The following DZIP1L variants were observed in gnomAD, a reference collection of about 807,000 sequenced individuals.
DZIP1L encodes DAZ interacting zinc finger protein 1 like.
A neutral mutation model predicts 88.7 loss-of-function variants in DZIP1L; 90 were observed. That is an observed-to-expected ratio of 1.02 (90% CI 0.86 to 1.21). The LOEUF (loss-of-function observed/expected upper bound fraction) is 1.21, where lower values mean the gene tolerates loss of function less well. Among genes scored for constraint, DZIP1L ranks in the 50% most tolerant of loss-of-function variants. The pLI is 0.00. For synonymous variants in DZIP1L, 363 were observed against 372.1 expected, an observed-to-expected ratio of 0.98 and a Z score of 0.28; for missense variants, 932 against 955.8, an observed-to-expected ratio of 0.98 and a Z score of 0.33.
intron 12 of DZIP1L, 27 bp downstream of exon 12, chr3:138,071,616 C>A (rs1373734434): frequency 1.2e-6 from 2 of 1,600,396 alleles, no homozygotes; most frequent in Non-Finnish European, 1.7e-6. Context: ...AGGTCACAGC[C>A]CTGAGCAAGC....
At chr3:138,107,684 T>A (rs1041266154) in intron 1 of DZIP1L, among the ~76,000 whole-genome samples, 6 of 152,172 alleles carry the variant, frequency 3.9e-5, no homozygotes, top group Non-Finnish European at 8.8e-5. Flanking sequence ...TCATCCTTTA[T>A]CCCTTAAACC....
chr3:138,102,705 G>A (rs1174765245), intron 2 of DZIP1L: 14 of 880,536 alleles, frequency 1.6e-5, no homozygotes, highest in Non-Finnish European at 2.1e-5. Context: ...GGCTCAGCAG[G>A]CTCTGGTTGA....
chr3:138,072,106 A>G lies in DZIP1L; in HGVS notation c.1423-271T>C, dbSNP rs1455698190. On this transcript the variant is annotated intron_variant, in intron 11 of 15. Transcript: ENST00000327532. ...ACTGCGTCACAATTCTGACCACATC[A>G]TAGCATAAGGGACTTCGTTGGAACA... 2.0e-5 allele frequency among the ~76,000 whole-genome samples: 3 copies of G among 152,238 alleles called. No homozygotes were observed. In the East Asian group the frequency reaches 5.8e-4, roughly 29 times the overall value.
Position 138,062,842 on chromosome 3 carries a change from C to T in DZIP1L, c.2278G>A (p.Gly760Ser), listed in dbSNP as rs1942752340. The change falls in exon 16 of 16, where the codon GGC becomes AGC. Residue 760 changes from glycine to serine, a missense_variant. By Grantham distance (56) the Gly-to-Ser change is moderately conservative (BLOSUM62 0). Transcript: ENST00000327532. ...CACCAGGCAGGGACCCTGGGTTGGC[C>T]AGAGCTCTGTGGACCAGTGCCAAAC... ...EKFGTGPQSS[G>S]QPRVPAW The T allele has an allele frequency of 1.2e-6, 2 of 1,613,940 alleles. No individual in the cohort carries two copies. Among genetic ancestry groups the T allele is most frequent in the Non-Finnish European group, 1.7e-6 (2 of 1,180,040 alleles).
intron 1 of DZIP1L, among the ~76,000 whole-genome samples, chr3:138,105,432 T>C (rs920950953): frequency 2.6e-5 from 4 of 152,014 alleles, no homozygotes; most frequent in Admixed American, 2.0e-4. Context: ...AGGACCCTCC[T>C]CAGATACCAA....
chr3:138,067,534 A>C lies in DZIP1L; in HGVS notation c.1999T>G (p.Ser667Ala), dbSNP rs1425368656. The C allele has an allele frequency of 6.3e-7, 1 of 1,598,708 alleles. No homozygotes were observed. The highest frequency in any genetic ancestry group is 8.5e-7 in the Non-Finnish European group (1 of 1,173,820). The change falls in exon 14 of 16, where the codon TCA becomes GCA. Residue 667 changes from serine (S) to alanine (A), a missense_variant. Coordinates refer to ENST00000327532, the MANE Select transcript of DZIP1L (RefSeq NM_173543.3). ...TCACCCAAAGGTGCCAGCTCACCTG[A>C]GCCCTGGCCAGGGGGCTGGGCATTC... is the stretch of plus-strand genomic sequence containing the variant. Reference protein sequence around the residue: ...EENAQPPGQGSGTLVQSMVKN... With the variant: ...EENAQPPGQGAGTLVQSMVKN...
chr3:138,107,933 T>TA (rs2042542413), intron 1 of DZIP1L, among the ~76,000 whole-genome samples: 1 of 152,058 alleles, frequency 6.6e-6, no homozygotes, highest in Non-Finnish European at 1.5e-5. Flanking sequence ...CTTTCTCAGA[T>TA]ACTCTTTCCC....
intron 14 of DZIP1L, 23 bp from the exon 15 acceptor site, chr3:138,064,790 T>C (rs1439878308): frequency 6.5e-7 from 1 of 1,546,634 alleles, no homozygotes; most frequent in African/African-American, 1.4e-5. Context: ...AAAGTGGCTG[T>C]GTCAGTGGGA....
rs770850434 is a variant in DZIP1L at position 138,077,519 on chromosome 3, C to T, written c.1402G>A (p.Glu468Lys). The T allele has an allele frequency of 6.2e-6, 10 of 1,614,090 alleles. No homozygotes were observed. The highest frequency in any genetic ancestry group is 1.6e-4 in the Middle Eastern group (1 of 6,084). Residue 468 changes from glutamate (E) to lysine (K), a missense_variant, in exon 11 of 16, where the codon GAA becomes AAA. Transcript: ENST00000327532. ...ILEDTLEEKL[E>K]SMGIRKDAKG... ...CTCACCTTCCTTATCCCCATGCTTT[C>T]GAGCTTCTCTTCCAGGGTGTCCTCC...
intron 11 of DZIP1L, among the ~76,000 whole-genome samples, chr3:138,074,045 A>T (rs1943292635): frequency 6.6e-6 from 1 of 152,216 alleles, no homozygotes; most frequent in Admixed American, 6.5e-5. Flanking sequence ...CAAAGTCTCC[A>T]AGAAGCTTGG....
At chr3:138,084,052 A>C in intron 8 of DZIP1L, 61 bp downstream of exon 8, 1 of 1,582,614 alleles carries the variant, frequency 6.3e-7, no homozygotes, top group Admixed American at 1.8e-5. Flanking sequence ...ATCCAAGGAG[A>C]TCCTCACAGG....
Position 138,103,780 on chromosome 3 carries a change from G to T in DZIP1L, c.192C>A (p.Phe64Leu). 6.2e-7 allele frequency: 1 copy of T among 1,614,132 alleles called. No individual in the cohort carries two copies. The highest frequency in any genetic ancestry group is 1.1e-5 in the South Asian group (1 of 91,092). The change falls in exon 2 of 16, where the codon TTC (phenylalanine) becomes TTA (leucine). Residue 64 changes from phenylalanine to leucine, a missense_variant. Coordinates refer to ENST00000327532, the MANE Select transcript of DZIP1L (RefSeq NM_173543.3). ...TLQENIAGIT[F>L]CNLDREVCSR... ...TGCACACCTCCCGGTCCAAGTTGCA[G>T]AAGGTGATGCCAGCAATATTCTCCT... is the stretch of plus-strand genomic sequence containing the variant.
rs576432076 is a variant in DZIP1L, at chr3:138,090,817, A to T, written c.870+1566T>A. ...GGACCAATGAGAGATAAATACATTT[A>T]AAAAATATTTTTCCTTGATACAGTT... On this transcript the variant is annotated intron_variant, in intron 5 of 15. Coordinates refer to ENST00000327532, the MANE Select transcript of DZIP1L (RefSeq NM_173543.3). Among the ~76,000 whole-genome samples the T allele has an allele frequency of 5.3e-5, 8 of 152,308 alleles. No homozygotes were observed. The South Asian group carries it at 1.0e-3, about 20-fold the overall frequency.
At chr3:138,099,998 C>A (rs942572721) in intron 2 of DZIP1L, among the ~76,000 whole-genome samples, 1 of 151,986 alleles carries the variant, frequency 6.6e-6, no homozygotes, top group African/African-American at 2.4e-5. Flanking sequence ...TGCCCCACCC[C>A]GCAAATGACT....
Position 138,097,818 on chromosome 3 carries a change from A to T in DZIP1L, c.531T>A (p.Asn177Lys), listed in dbSNP as rs745858461. Residue 177 changes from asparagine (N) to lysine (K), a missense_variant, in exon 3 of 16, where the codon AAT becomes AAA. By Grantham distance (94) the Asn-to-Lys change is moderately conservative. Coordinates refer to ENST00000327532, the MANE Select transcript of DZIP1L (RefSeq NM_173543.3). ...TCHLCDKTFM[N>K]ATFLRGHIQR... The stretch of plus-strand genomic sequence containing the variant: ...GGATGTGGCCCCGGAGAAAGGTGGC[A>T]TTCATGAATGTCTTGTCACACAGGT... The T allele has an allele frequency of 4.3e-6, 7 of 1,613,030 alleles. No homozygotes were observed. Among genetic ancestry groups the T allele is most frequent in the Non-Finnish European group, 5.9e-6 (7 of 1,179,650 alleles).
intron 3 of DZIP1L, among the ~76,000 whole-genome samples, chr3:138,097,496 T>C (rs1465698720): frequency 6.6e-6 from 1 of 152,110 alleles, no homozygotes; most frequent in African/African-American, 2.4e-5. Context: ...GGGGAAAGCA[T>C]GGACCGGGGT....
chr3:138,066,405 A>G (rs1467248720), intron 14 of DZIP1L, among the ~76,000 whole-genome samples: 1 of 152,206 alleles, frequency 6.6e-6, no homozygotes, highest in African/African-American at 2.4e-5. Context: ...CATTGGGAAC[A>G]CAGCTAAAGG....
At position 138,077,599 on chromosome 3, in the gene DZIP1L, A is replaced by G. The variant is rs1052822497; in HGVS notation, c.1322T>C (p.Val441Ala). 7 of 1,614,168 alleles carry G rather than the reference A, an allele frequency of 4.3e-6. No homozygotes were observed. Among genetic ancestry groups the G allele is most frequent in the Non-Finnish European group, 5.9e-6 (7 of 1,180,032 alleles). ...GGGGTTACGCCTCAGAGCTGCCAGCACCTTGTGCTGTTCATCCTGGGAGTC... is the reference window on the plus strand; with the variant it reads ...GGGGTTACGCCTCAGAGCTGCCAGCGCCTTGTGCTGTTCATCCTGGGAGTC... ...MEDSQDEQHK[V>A]LAALRRNPTL... Residue 441 changes from valine (V) to alanine (A), a missense_variant, in exon 11 of 16, where the codon GTG becomes GCG. Physicochemically the swap from Val to Ala is moderately conservative, Grantham distance 64. Transcript: ENST00000327532.
intron 1 of DZIP1L, among the ~76,000 whole-genome samples, chr3:138,104,822 T>C (rs1247556208): frequency 6.6e-6 from 1 of 152,226 alleles, no homozygotes; most frequent in Non-Finnish European, 1.5e-5. Context: ...GATTCTACTC[T>C]CTAAACTCTT....
Sources: gnomAD v4.1 joint callset for allele counts (sites outside exome capture counted in the v4.1 genomes callset) on GRCh38, gnomAD v4.1.1 for gene constraint, MANE v1.5 for transcripts, NCBI Gene and HGNC (gene_info 2026-07-23, HGNC 2026-07-21) for gene names.